MAPK8: variants seen among roughly 807,000 people sequenced by gnomAD.
MAPK8 encodes the protein JUN N-terminal kinase.
In MAPK8, 13 loss-of-function variants were observed where a neutral mutation model predicts 52.9. The ratio of observed to expected loss-of-function variants is 0.25; its 90% CI spans 0.16 to 0.39. The LOEUF is 0.39. Ranked by LOEUF, MAPK8 falls within the 10% of genes least tolerant of loss-of-function variation. The pLI is 1.00. For synonymous variants in MAPK8, 191 were observed against 169.8 expected (o/e 1.12, Z -0.97); for missense variants, 300 against 519.2 (o/e 0.58, Z 4.10).
intron 1 of MAPK8, among the ~76,000 whole-genome samples, chr10:48,395,887 A>G (rs1351244357): frequency 1.3e-5 from 2 of 152,122 alleles, no homozygotes; most frequent in Non-Finnish European, 2.9e-5. Flanking sequence ...GGGAGAAATG[A>G]TGCTTTTTGC....
intron 1 of MAPK8, among the ~76,000 whole-genome samples, chr10:48,342,315 G>T (rs1166366929): frequency 6.6e-6 from 1 of 151,820 alleles, no homozygotes; most frequent in Non-Finnish European, 1.5e-5. Flanking sequence ...TGTTGCCCAG[G>T]CTGGTCTTGA....
chr10:48,400,956 G>A (rs1486778192), intron 1 of MAPK8, among the ~76,000 whole-genome samples: 1 of 121,608 alleles, frequency 8.2e-6, no homozygotes, highest in Non-Finnish European at 1.8e-5. Flanking sequence ...GTTTTGTTTT[G>A]TATCCCAATA....
At chr10:48,429,507 A>T (rs1342042229) in intron 10 of MAPK8, among the ~76,000 whole-genome samples, 1 of 152,248 alleles carries the variant, frequency 6.6e-6, no homozygotes, top group Non-Finnish European at 1.5e-5. Flanking sequence ...ATTAATTGCC[A>T]AAGCCATTAA....
chr10:48,360,395 G>A (rs948607147), intron 1 of MAPK8, among the ~76,000 whole-genome samples: 49 of 152,232 alleles, frequency 3.2e-4, no homozygotes, highest in African/African-American at 1.2e-3. Context: ...ACCTAAAATA[G>A]TTGAGCAGGT....
At chr10:48,353,914 A>G (rs1846583379) in intron 1 of MAPK8, among the ~76,000 whole-genome samples, 1 of 152,204 alleles carries the variant, frequency 6.6e-6, no homozygotes, top group African/African-American at 2.4e-5. Context: ...ACTATAAAGC[A>G]GGTAGTCTTT....
At chr10:48,379,570 A>G (rs1207338833) in intron 1 of MAPK8, among the ~76,000 whole-genome samples, 1 of 152,222 alleles carries the variant, frequency 6.6e-6, no homozygotes, top group East Asian at 1.9e-4. Context: ...CCACAAAAGT[A>G]TACTTTACCT....
Position 48,306,739 on chromosome 10 carries a change from C to G in MAPK8, c.-132C>G, listed in dbSNP as rs12775943. 8 of 151,540 alleles carry G rather than the reference C, an allele frequency of 5.3e-5. No individual in the cohort carries two copies. Among genetic ancestry groups the G allele is most frequent in the African/African-American group, 9.7e-5 (4 of 41,390 alleles). 9.4% of individuals were successfully genotyped at this position (151,540 alleles called of 1,614,324 possible). ...TTGGATTGCGGAGCCGCGAGCAGCG[C>G]TGGGTAACGGCCGCGGCGACCACCC... On this transcript the variant is annotated 5_prime_UTR_variant, in exon 1 of 12. Transcript: ENST00000374189.
chr10:48,315,352 C>G (rs890373507), intron 1 of MAPK8, among the ~76,000 whole-genome samples: 2 of 152,218 alleles, frequency 1.3e-5, no homozygotes, highest in Non-Finnish European at 2.9e-5. Flanking sequence ...ATACAGAACA[C>G]TTCCATCACC....
intron 1 of MAPK8, among the ~76,000 whole-genome samples, chr10:48,318,959 T>G (rs1419100845): frequency 6.6e-6 from 1 of 152,172 alleles, no homozygotes; most frequent in African/African-American, 2.4e-5. Flanking sequence ...GCAGTGAGAA[T>G]TCAGAGAATA....
At chr10:48,367,721 T>A (rs1589090695) in intron 1 of MAPK8, among the ~76,000 whole-genome samples, 2 of 152,296 alleles carry the variant, frequency 1.3e-5, no homozygotes, top group East Asian at 3.9e-4. Flanking sequence ...ATAGGTAACT[T>A]TTAGTTCAAT....
At chr10:48,360,881 G>A (rs898469704) in intron 1 of MAPK8, among the ~76,000 whole-genome samples, 5 of 152,092 alleles carry the variant, frequency 3.3e-5, no homozygotes, top group African/African-American at 1.2e-4. Flanking sequence ...TGATTATGGG[G>A]GGAATTTTAA....
At chr10:48,423,880 T>C (rs1245316219) in intron 6 of MAPK8, among the ~76,000 whole-genome samples, 1 of 152,230 alleles carries the variant, frequency 6.6e-6, no homozygotes, top group Non-Finnish European at 1.5e-5. Context: ...AGATATGTAG[T>C]TAAAATGCCA....
intron 8 of MAPK8, 21 bp downstream of exon 8, chr10:48,426,091 C>A (rs1299810014): frequency 6.3e-7 from 1 of 1,581,218 alleles, no homozygotes; most frequent in Non-Finnish European, 8.6e-7. Flanking sequence ...CAAATATGTA[C>A]ATTTAATCCC....
intron 1 of MAPK8, among the ~76,000 whole-genome samples, chr10:48,342,087 A>G (rs1260743151): frequency 6.6e-6 from 1 of 152,214 alleles, no homozygotes; most frequent in Non-Finnish European, 1.5e-5. Context: ...GACTGAGTAC[A>G]AGTTATTCAG....
chr10:48,395,283 C>T (rs2041831308), intron 1 of MAPK8, among the ~76,000 whole-genome samples: 1 of 151,972 alleles, frequency 6.6e-6, no homozygotes, highest in South Asian at 2.1e-4. Flanking sequence ...TTACTCAAGA[C>T]AGTGTGGTAT....
At chr10:48,385,865 G>A (rs2041282759) in intron 1 of MAPK8, among the ~76,000 whole-genome samples, 1 of 152,044 alleles carries the variant, frequency 6.6e-6, no homozygotes, top group South Asian at 2.1e-4. Context: ...AACATACTCT[G>A]AAATTCAGTG....
At chr10:48,349,081 T>G (rs1846060610) in intron 1 of MAPK8, among the ~76,000 whole-genome samples, 1 of 152,016 alleles carries the variant, frequency 6.6e-6, no homozygotes, top group African/African-American at 2.4e-5. Flanking sequence ...GAGCTAACTC[T>G]CCTAAATATA....
chr10:48,359,567 G>A (rs1046621713), intron 1 of MAPK8, among the ~76,000 whole-genome samples: 1 of 152,140 alleles, frequency 6.6e-6, no homozygotes, highest in African/African-American at 2.4e-5. Flanking sequence ...TGGTACAAAG[G>A]TAGAAAATAG....
intron 1 of MAPK8, among the ~76,000 whole-genome samples, chr10:48,328,804 A>G (rs981682256): frequency 1.3e-5 from 2 of 152,234 alleles, no homozygotes; most frequent in East Asian, 1.9e-4. Context: ...AAACTCTTCT[A>G]TGGCATCTCT....
Sources: gnomAD v4.1 joint callset for allele counts (sites outside exome capture counted in the v4.1 genomes callset) on GRCh38, gnomAD v4.1.1 for gene constraint, MANE v1.5 for transcripts, NCBI Gene and HGNC (gene_info 2026-07-23, HGNC 2026-07-21) for gene names.